Variants in CHRM3 observed in about 807,000 individuals in gnomAD.
CHRM3 encodes the protein muscarinic acetylcholine receptor M3.
A neutral mutation model predicts 41.8 loss-of-function variants in CHRM3; 11 were observed. That is an observed-to-expected ratio of 0.26 (90% CI 0.17 to 0.44). The LOEUF is 0.44. Among genes scored for constraint, CHRM3 ranks in the 20% least tolerant of loss-of-function variants. CHRM3 has a pLI of 1.00. For synonymous variants in CHRM3, 297 were observed against 301.4 expected, an observed-to-expected ratio of 0.99 and a Z score of 0.15; for missense variants, 571 against 745.4, an observed-to-expected ratio of 0.77 and a Z score of 2.72.
intron 5 of CHRM3, among the ~76,000 whole-genome samples, chr1:239,816,512 T>C (rs1671597060): frequency 6.6e-6 from 1 of 151,894 alleles, no homozygotes; most frequent in Non-Finnish European, 1.5e-5. Flanking sequence ...AGGGAGGGAA[T>C]CAATCCCAGA....
chr1:239,744,457 C>T (rs902997323), intron 5 of CHRM3, among the ~76,000 whole-genome samples: 3 of 152,040 alleles, frequency 2.0e-5, no homozygotes, highest in Non-Finnish European at 2.9e-5. Flanking sequence ...GGTTGAGCAA[C>T]AACCTGGAGA....
chr1:239,425,784 G>T (rs1662322528), intron 1 of CHRM3, among the ~76,000 whole-genome samples: 1 of 152,084 alleles, frequency 6.6e-6, no homozygotes, highest in African/African-American at 2.4e-5. Flanking sequence ...TTTGATAAAT[G>T]ATTTATTTTT....
intron 5 of CHRM3, among the ~76,000 whole-genome samples, chr1:239,819,028 T>C (rs532646816): frequency 6.6e-6 from 1 of 152,302 alleles, no homozygotes; most frequent in African/African-American, 2.4e-5. Context: ...TGGGGCCTAG[T>C]GCAGGAGCTC....
intron 6 of CHRM3, among the ~76,000 whole-genome samples, chr1:239,891,923 G>A (rs1000985770): frequency 5.3e-5 from 8 of 152,164 alleles, no homozygotes; most frequent in Non-Finnish European, 5.9e-5. Context: ...ATTAAGGGTG[G>A]GGGTATAGCA....
chr1:239,612,859 T>G (rs943011823), intron 3 of CHRM3, among the ~76,000 whole-genome samples: 1 of 152,210 alleles, frequency 6.6e-6, no homozygotes, highest in Non-Finnish European at 1.5e-5. Context: ...CTACCACTGC[T>G]GGTTTGCTAA....
At position 239,913,053 on chromosome 1, in the gene CHRM3, A is replaced by G. The variant is rs1419253640; in HGVS notation, c.*3829A>G. The G allele has an allele frequency of 6.0e-6, 1 of 167,098 alleles. No homozygotes were observed. Among genetic ancestry groups the G allele is most frequent in the African/African-American group, 2.4e-5 (1 of 41,456 alleles). The allele number at this position is 167,098 out of a possible 1,614,324, so 10.4% of individuals were successfully genotyped here. A position where few individuals can be genotyped will look rare whatever the true frequency, so the allele number is the denominator to read the frequency against. ...CTGAGGTCAGCAGCTACCATGACGA[A>G]AGTAAAATGGTATATTGGGTGAATG... On this transcript the variant is annotated 3_prime_UTR_variant, in exon 7 of 7. Transcript: ENST00000676153.
chr1:239,400,109 A>G (rs1659840531), intron 1 of CHRM3, among the ~76,000 whole-genome samples: 1 of 152,084 alleles, frequency 6.6e-6, no homozygotes, highest in Non-Finnish European at 1.5e-5. Context: ...GGGTTTCGCC[A>G]TGTTGGCCAG....
chr1:239,699,750 C>T (rs1660513913), intron 5 of CHRM3, among the ~76,000 whole-genome samples: 1 of 152,174 alleles, frequency 6.6e-6, no homozygotes, highest in Non-Finnish European at 1.5e-5. Flanking sequence ...TTTGATGAAA[C>T]ATGGAAACAC....
chr1:239,777,048 G>A (rs921343394), intron 5 of CHRM3, among the ~76,000 whole-genome samples: 1 of 152,094 alleles, frequency 6.6e-6, no homozygotes, highest in African/African-American at 2.4e-5. Context: ...CATATCAATA[G>A]TATATCCTTT....
At position 239,907,505 on chromosome 1, in the gene CHRM3, C is replaced by T. The variant is rs765340741; in HGVS notation, c.54C>T (p.Ser18=). The T allele has an allele frequency of 6.2e-7, 1 of 1,614,226 alleles. No homozygotes were observed. Among genetic ancestry groups the T allele is most frequent in the Non-Finnish European group, 8.5e-7 (1 of 1,180,038 alleles). ...TTSPLFPNIS[S]SWIHSPSDAG... The stretch of plus-strand genomic sequence containing the variant: ...CGCCTTTGTTTCCAAACATCAGCTC[C>T]TCCTGGATACACAGCCCCTCCGATG... The change falls in exon 7 of 7, where the codon TCC becomes TCT. Residue 18 remains serine, a synonymous_variant. Transcript: ENST00000676153. This position sits in a 1 kb window ranked among gnomAD's most constrained non-coding sequence, Gnocchi z 5.4.
chr1:239,549,444 G>C (rs1052269272), intron 3 of CHRM3, among the ~76,000 whole-genome samples: 1 of 148,948 alleles, frequency 6.7e-6, no homozygotes, highest in Non-Finnish European at 1.5e-5. Context: ...GAGGTCAGAA[G>C]TTTGAGACCT....
At chr1:239,741,947 A>G (rs907823415) in intron 5 of CHRM3, among the ~76,000 whole-genome samples, 1 of 152,180 alleles carries the variant, frequency 6.6e-6, no homozygotes, top group Admixed American at 6.5e-5. Flanking sequence ...AGCCCCATGC[A>G]TCGTATAGTT....
chr1:239,822,722 A>G (rs1672152461), intron 5 of CHRM3, among the ~76,000 whole-genome samples: 2 of 152,220 alleles, frequency 1.3e-5, no homozygotes, highest in Admixed American at 6.5e-5. Flanking sequence ...CAAAGAATAT[A>G]ATTAATAAAA....
intron 6 of CHRM3, among the ~76,000 whole-genome samples, chr1:239,881,215 G>A (rs548059585): frequency 7.5e-5 from 10 of 133,984 alleles, no homozygotes; most frequent in South Asian, 5.2e-4. Flanking sequence ...CCCGGGAGGC[G>A]GAGCTTGCAG....
intron 2 of CHRM3, among the ~76,000 whole-genome samples, chr1:239,526,296 T>C (rs1245226667): frequency 6.6e-6 from 1 of 152,194 alleles, no homozygotes; most frequent in Non-Finnish European, 1.5e-5. Flanking sequence ...CTCCTACTTG[T>C]ATGCTTTTTC....
Position 239,844,734 on chromosome 1 carries a change from G to A in CHRM3, c.-20+17356G>A, listed in dbSNP as rs141523169. On this transcript the variant is annotated intron_variant, in intron 6 of 6. Transcript: ENST00000676153. ...ATTATCAAGACAGCTTTATGGATAGGGATACTGAGATGCAGAAAGACTAAG... is the reference window on the plus strand; with the variant it reads ...ATTATCAAGACAGCTTTATGGATAGAGATACTGAGATGCAGAAAGACTAAG... 1.2e-3 allele frequency among the ~76,000 whole-genome samples: 185 copies of A among 152,222 alleles called. 1 individual carries two copies. Among genetic ancestry groups the A allele is most frequent in the African/African-American group, 4.3e-3 (177 of 41,538 alleles).
intron 6 of CHRM3, among the ~76,000 whole-genome samples, chr1:239,840,551 G>A (rs1673709482): frequency 6.6e-6 from 1 of 152,126 alleles, no homozygotes; most frequent in Non-Finnish European, 1.5e-5. Context: ...TACTGCCCTG[G>A]AGGAAAAAGC....
At chr1:239,869,661 C>T (rs1045100217) in intron 6 of CHRM3, among the ~76,000 whole-genome samples, 4 of 152,122 alleles carry the variant, frequency 2.6e-5, no homozygotes, top group African/African-American at 9.7e-5. Flanking sequence ...CCTCTGACCC[C>T]CCCAGAGCTT....
Position 239,390,544 on chromosome 1 carries a change from C to T in CHRM3, c.-521+3317C>T, listed in dbSNP as rs967960172. 1.0e-3 allele frequency among the ~76,000 whole-genome samples: 152 copies of T among 151,860 alleles called. 2 individuals carry two copies. The highest frequency in any genetic ancestry group is 1.2e-3 in the East Asian group (6 of 5,146). On this transcript the variant is annotated intron_variant, in intron 1 of 6. Transcript: ENST00000676153. ...CTTCAAATCACTCATCACTGCATTG[C>T]TCCCTCTGCCCACCCTCCACGGAGA...
Sources: gnomAD v4.1 joint callset for allele counts (sites outside exome capture counted in the v4.1 genomes callset) on GRCh38, gnomAD v4.1.1 for gene constraint, Gnocchi (gnomAD v3.1) non-coding constraint, MANE v1.5 for transcripts, NCBI Gene and HGNC (gene_info 2026-07-23, HGNC 2026-07-21) for gene names.